The following ONECUT1 variants were observed in gnomAD, a reference collection of about 807,000 sequenced individuals.
ONECUT1 encodes hepatocyte nuclear factor 6.
ONECUT1 carries 12 observed loss-of-function variants against 25.6 expected under a neutral mutation model. That is an observed-to-expected ratio of 0.47 (90% CI 0.30 to 0.76). The LOEUF is 0.76. Among genes scored for constraint, ONECUT1 ranks in the 30% least tolerant of loss-of-function variants. ONECUT1 has a pLI of 0.07. For missense variants in ONECUT1, 620 were observed against 651.2 expected (o/e 0.95, Z 0.52); for synonymous variants, 285 against 270.2 (o/e 1.05, Z -0.54).
chr15:52,780,927 C>T (rs1331660974), intron 1 of ONECUT1: 2 of 1,252,936 alleles, frequency 1.6e-6, no homozygotes, highest in Non-Finnish European at 2.0e-6. Context: ...CACATGGTGA[C>T]TGGAAACATG....
At chr15:52,770,670 G>A (rs1309239339) in intron 1 of ONECUT1, among the ~76,000 whole-genome samples, 3 of 152,094 alleles carry the variant, frequency 2.0e-5, no homozygotes, top group African/African-American at 4.8e-5. Flanking sequence ...TTCACAAGCC[G>A]ATATTTTGTT....
At chr15:52,758,055 A>T (rs2440332) in intron 1 of ONECUT1, among the ~76,000 whole-genome samples, 1 of 152,052 alleles carries the variant, frequency 6.6e-6, no homozygotes, top group Non-Finnish European at 1.5e-5. Flanking sequence ...AGGCCTGGGC[A>T]TGGGTTGTGG....
At chr15:52,785,096 GC>G (rs1003530880) in intron 1 of ONECUT1, among the ~76,000 whole-genome samples, 5 of 152,380 alleles carry the variant, frequency 3.3e-5, no homozygotes, top group African/African-American at 9.6e-5. Context: ...CCCAGTCCTG[GC>G]TTCTCTCCCG....
intron 1 of ONECUT1, among the ~76,000 whole-genome samples, chr15:52,773,794 C>T (rs1028639521): frequency 6.6e-6 from 1 of 151,890 alleles, no homozygotes; most frequent in Admixed American, 6.6e-5. Flanking sequence ...ATTTGAGCAC[C>T]AAAATAGTTA....
At chr15:52,763,803 TA>T (rs916266732) in intron 1 of ONECUT1, among the ~76,000 whole-genome samples, 121 of 152,342 alleles carry the variant, frequency 7.9e-4, no homozygotes, top group African/African-American at 2.8e-3. Context: ...ACGAGGTCAG[TA>T]AAAAATATTG....
intron 1 of ONECUT1, among the ~76,000 whole-genome samples, chr15:52,762,345 T>A (rs530948316): frequency 6.6e-6 from 1 of 152,256 alleles, no homozygotes. Flanking sequence ...TAAAAAAATC[T>A]ATTATATATT....
Position 52,757,456 on chromosome 15 carries a change from A to T in ONECUT1, c.*99T>A. On this transcript the variant is annotated 3_prime_UTR_variant, in exon 2 of 2. Transcript: ENST00000305901. ...AAATAACGCTTTTTTTTCTTCAAAT[A>T]TTTCTAAGTATAAACCTGCTATCTT... 1.5e-6 allele frequency: 2 copies of T among 1,297,728 alleles called. No homozygotes were observed. Among genetic ancestry groups the T allele is most frequent in the African/African-American group, 1.5e-5 (1 of 67,202 alleles). 80.4% of individuals were successfully genotyped at this position (1,297,728 alleles called of 1,614,324 possible). A position where few individuals can be genotyped will look rare whatever the true frequency, so the allele number is the denominator to read the frequency against.
rs1280565695 is a variant in ONECUT1, at chr15:52,757,472, C to T, written c.*83G>A. 2.2e-6 allele frequency: 3 copies of T among 1,390,440 alleles called. No individual in the cohort carries two copies. Among genetic ancestry groups the T allele is most frequent in the Admixed American group, 2.3e-5 (1 of 43,998 alleles). The allele number at this position is 1,390,440 out of a possible 1,614,324, so 86.1% of individuals were successfully genotyped here. A position where few individuals can be genotyped will look rare whatever the true frequency, so the allele number is the denominator to read the frequency against. On this transcript the variant is annotated 3_prime_UTR_variant, in exon 2 of 2. Transcript: ENST00000305901. Reference sequence around the variant, plus strand: ...TCTTCAAATATTTCTAAGTATAAACCTGCTATCTTGAGGTCCTGGTCTTTT... The same window carrying T: ...TCTTCAAATATTTCTAAGTATAAACTTGCTATCTTGAGGTCCTGGTCTTTT...
intron 1 of ONECUT1, among the ~76,000 whole-genome samples, chr15:52,769,014 T>C (rs1009296030): frequency 6.6e-6 from 1 of 152,224 alleles, no homozygotes; most frequent in African/African-American, 2.4e-5. Context: ...TGCTCAGAAG[T>C]CATTCCTAGA....
Position 52,788,563 on chromosome 15 carries a change from C to A in ONECUT1, c.1105+217G>T. 1 of 531,836 alleles carries A rather than the reference C, an allele frequency of 1.9e-6. No homozygotes were observed. Among genetic ancestry groups the A allele is most frequent in the Non-Finnish European group, 3.3e-6 (1 of 304,100 alleles). The allele number at this position is 531,836 out of a possible 1,614,324, so 32.9% of individuals were successfully genotyped here. ...GTCGCCGAGGCCCGGCCGCTTAGCT[C>A]TCGGAGCCTTCCACAGCCCAACACC... On this transcript the variant is annotated intron_variant, in intron 1 of 1. Coordinates refer to ENST00000305901, the MANE Select transcript of ONECUT1 (RefSeq NM_004498.4). The surrounding 1 kb of genome is among the most constrained non-coding windows in gnomAD (Gnocchi z 4.3).
At position 52,762,522 on chromosome 15, in the gene ONECUT1, G is replaced by C. The variant is rs546819918; in HGVS notation, c.1106-4675C>G. Among the ~76,000 whole-genome samples the C allele has an allele frequency of 1.5e-4, 23 of 152,290 alleles. No homozygotes were observed. In the East Asian group the frequency reaches 4.4e-3, roughly 29 times the overall value. On this transcript the variant is annotated intron_variant, in intron 1 of 1. Transcript: ENST00000305901. ...TTCCTGCCCTGGGACCTCAAGCACT[G>C]TAGACGTTACAATACCAGAACCTGG... is the stretch of plus-strand genomic sequence containing the variant.
At chr15:52,757,948 G>T in intron 1 of ONECUT1, 101 bp from the exon 2 acceptor site, 1 of 1,294,210 alleles carries the variant, frequency 7.7e-7, no homozygotes, top group Non-Finnish European at 1.1e-6. Context: ...CTCATGGCCT[G>T]CTTTCTGTTT....
At chr15:52,776,477 CT>C (rs1440794762) in intron 1 of ONECUT1, among the ~76,000 whole-genome samples, 2 of 152,200 alleles carry the variant, frequency 1.3e-5, no homozygotes, top group Non-Finnish European at 2.9e-5. Context: ...CCCTCAGAAT[CT>C]ATTGCCACTT....
At chr15:52,779,546 G>C (rs1291261695) in intron 1 of ONECUT1, among the ~76,000 whole-genome samples, 1 of 152,142 alleles carries the variant, frequency 6.6e-6, no homozygotes, top group African/African-American at 2.4e-5. Context: ...AGAGACACTG[G>C]TCTCCTGGGG....
chr15:52,765,463 A>G, intron 1 of ONECUT1, among the ~76,000 whole-genome samples: 1 of 152,220 alleles, frequency 6.6e-6, no homozygotes, highest in East Asian at 1.9e-4. Flanking sequence ...GTTCATGTGC[A>G]TTGAGCCCTG....
chr15:52,786,672 GGCTA>G (rs2083877126), intron 1 of ONECUT1, among the ~76,000 whole-genome samples: 2 of 152,246 alleles, frequency 1.3e-5, no homozygotes, highest in Non-Finnish European at 2.9e-5. Flanking sequence ...CCCTGAGCTC[GGCTA>G]TGTAGCTCTC....
chr15:52,785,339 C>A (rs1044185101), intron 1 of ONECUT1, among the ~76,000 whole-genome samples: 24 of 152,212 alleles, frequency 1.6e-4, no homozygotes, highest in African/African-American at 5.8e-4. Flanking sequence ...GGCCGCCCCC[C>A]GACCGAACCC....
At chr15:52,771,834 A>G (rs941062800) in intron 1 of ONECUT1, among the ~76,000 whole-genome samples, 5 of 152,186 alleles carry the variant, frequency 3.3e-5, no homozygotes, top group African/African-American at 1.2e-4. Flanking sequence ...CTAGGACAGT[A>G]TTTTAGACCT....
Position 52,756,006 on chromosome 15 carries a change from A to G in ONECUT1, c.*1549T>C, listed in dbSNP as rs1173114493. On this transcript the variant is annotated 3_prime_UTR_variant, in exon 2 of 2. Coordinates refer to ENST00000305901, the MANE Select transcript of ONECUT1 (RefSeq NM_004498.4). ...CTGTCCCTGTTAGAGAGCAAAATCT[A>G]TATTATAAAATTTCCAGCTAAATGC... 2.0e-5 allele frequency among the ~76,000 whole-genome samples: 3 copies of G among 152,222 alleles called. No homozygotes were observed. The highest frequency in any genetic ancestry group is 4.4e-5 in the Non-Finnish European group (3 of 68,034).
Sources: allele counts gnomAD v4.1 joint callset (sites outside exome capture counted in the v4.1 genomes callset), GRCh38; gene constraint gnomAD v4.1.1; non-coding constraint Gnocchi (gnomAD v3.1); transcripts MANE v1.5; gene names NCBI Gene and HGNC (gene_info 2026-07-23, HGNC 2026-07-21).